Variants in GSTO1 observed in about 807,000 individuals in gnomAD.
The protein encoded by GSTO1 is glutathione S-transferase omega-1.
GSTO1 carries 27 observed loss-of-function variants against 23.8 expected under a neutral mutation model. That is an observed-to-expected ratio of 1.13 (90% CI 0.83 to 1.56). The LOEUF is 1.56. Among genes scored for constraint, GSTO1 ranks in the 40% most tolerant of loss-of-function variants. The probability of loss-of-function intolerance (pLI) is 0.00; values close to 1 mark genes in which losing one functional copy is unlikely to be tolerated. For synonymous variants in GSTO1, 105 were observed against 109.3 expected, an observed-to-expected ratio of 0.96 and a Z score of 0.25; for missense variants, 255 against 285.8, an observed-to-expected ratio of 0.89 and a Z score of 0.78.
At chr10:104,260,610 A>C (rs554865239) in intron 3 of GSTO1, among the ~76,000 whole-genome samples, 1 of 152,358 alleles carries the variant, frequency 6.6e-6, no homozygotes, top group African/African-American at 2.4e-5. Flanking sequence ...GATTAGTTCA[A>C]ACAATTAGTA....
At chr10:104,267,226 C>A in intron 5 of GSTO1, 26 bp from the exon 6 acceptor site, 1 of 1,574,796 alleles carries the variant, frequency 6.4e-7, no homozygotes, top group Non-Finnish European at 8.7e-7. Flanking sequence ...CTAGCTCACA[C>A]CTTTCATTTT....
chr10:104,265,133 A>T (rs1369830902), intron 4 of GSTO1, among the ~76,000 whole-genome samples: 1 of 152,200 alleles, frequency 6.6e-6, no homozygotes, highest in African/African-American at 2.4e-5. Flanking sequence ...AATATTTTTA[A>T]TTTTTAATGC....
At chr10:104,260,370 C>G (rs1048803124) in intron 3 of GSTO1, among the ~76,000 whole-genome samples, 19 of 151,644 alleles carry the variant, frequency 1.3e-4, no homozygotes, top group Non-Finnish European at 2.6e-4. Flanking sequence ...CCTCTCCGTT[C>G]ATCATTGGTA....
At chr10:104,265,767 G>T (rs530245232) in intron 4 of GSTO1, among the ~76,000 whole-genome samples, 4 of 152,116 alleles carry the variant, frequency 2.6e-5, no homozygotes, top group Non-Finnish European at 4.4e-5. Context: ...CCAATGGGTC[G>T]TTTGCTATTT....
At chr10:104,263,485 T>C (rs1267326242) in intron 4 of GSTO1, among the ~76,000 whole-genome samples, 1 of 152,192 alleles carries the variant, frequency 6.6e-6, no homozygotes, top group Non-Finnish European at 1.5e-5. Context: ...TTTTCCTGTG[T>C]CCACTTAGTA....
chr10:104,257,270 G>T (rs1175756571), intron 2 of GSTO1, among the ~76,000 whole-genome samples: 2 of 151,268 alleles, frequency 1.3e-5, no homozygotes, highest in Non-Finnish European at 2.9e-5. Context: ...TACTTTGTAT[G>T]ATTTACTCAG....
intron 4 of GSTO1, 66 bp from the exon 5 acceptor site, chr10:104,266,018 C>A: frequency 1.2e-6 from 1 of 836,652 alleles, no homozygotes. Context: ...TATTTCCCTT[C>A]AGCATTTCTA....
rs7906892 is a variant in GSTO1, at chr10:104,266,232, G to T, written c.572+42G>T. 18,917 of 1,046,880 alleles carry T rather than the reference G, an allele frequency of 0.018. 2,183 individuals carry two copies. In the African/African-American group the frequency reaches 0.25, roughly 14 times the overall value. The allele number at this position is 1,046,880 out of a possible 1,614,324, so 64.8% of individuals were successfully genotyped here. On this transcript the variant is annotated intron_variant, in intron 5 of 5. Coordinates refer to ENST00000369713, the MANE Select transcript of GSTO1 (RefSeq NM_004832.3). ...TTTTGTGCATAATTTAGGATGACAGGTGGAATAGTATATATTGACCTTTCT... is the reference window on the plus strand; with the variant it reads ...TTTTGTGCATAATTTAGGATGACAGTTGGAATAGTATATATTGACCTTTCT...
chr10:104,262,953 A>G lies in GSTO1; in HGVS notation c.367-26A>G, dbSNP rs1057055685. 9 of 1,013,722 alleles carry G rather than the reference A, an allele frequency of 8.9e-6. No homozygotes were observed. The African/African-American group carries it at 1.4e-4, about 16-fold the overall frequency. The allele number at this position is 1,013,722 out of a possible 1,614,324, so 62.8% of individuals were successfully genotyped here. A position where few individuals can be genotyped will look rare whatever the true frequency, so the allele number is the denominator to read the frequency against. ...CCGATACAGTTAGCCATAAACTGAT[A>G]AACTAAGAAATTATTCTCTGTCTAG... On this transcript the variant is annotated intron_variant, in intron 3 of 5. Coordinates refer to ENST00000369713, the MANE Select transcript of GSTO1 (RefSeq NM_004832.3).
rs754084819 is a variant in GSTO1, at chr10:104,263,117, C to T, written c.465+40C>T. The T allele has an allele frequency of 8.8e-6, 7 of 794,262 alleles. No homozygotes were observed. In the South Asian group the frequency reaches 1.0e-4, roughly 12 times the overall value. The allele number at this position is 794,262 out of a possible 1,614,324, so 49.2% of individuals were successfully genotyped here. On this transcript the variant is annotated intron_variant, in intron 4 of 5. Transcript: ENST00000369713. ...TAGCTATCATCAGAGTAAACGATAA[C>T]TATATCTACCCTCCTTTTCCTCCTA...
At position 104,255,234 on chromosome 10, in the gene GSTO1, G is replaced by C; in HGVS notation, c.106G>C (p.Glu36Gln). ...CAGCATGAGGTTCTGCCCGTTTGCT[G>C]AGAGGACGCGTCTAGTCCTGAAGGC... ...IYSMRFCPFA[E>Q]RTRLVLKAKG... is the part of the protein sequence containing the mutation. The change falls in exon 2 of 6, where the codon GAG (glutamate) becomes CAG (glutamine). Residue 36 changes from glutamate (E) to glutamine (Q), a missense_variant. Glu to Gln is a conservative substitution (Grantham distance 29, BLOSUM62 2). Transcript: ENST00000369713. The C allele has an allele frequency of 6.2e-7, 1 of 1,613,646 alleles. No homozygotes were observed. Among genetic ancestry groups the C allele is most frequent in the Non-Finnish European group, 8.5e-7 (1 of 1,179,592 alleles).
chr10:104,265,869 C>T (rs748411016), intron 4 of GSTO1, among the ~76,000 whole-genome samples: 2 of 151,992 alleles, frequency 1.3e-5, no homozygotes, highest in Non-Finnish European at 2.9e-5. Context: ...TTTTATTTTT[C>T]AATTTTCCAG....
At chr10:104,263,956 G>A (rs1024051609) in intron 4 of GSTO1, among the ~76,000 whole-genome samples, 1 of 131,778 alleles carries the variant, frequency 7.6e-6, no homozygotes, top group African/African-American at 4.4e-5. Flanking sequence ...GCATTCCTAA[G>A]ATAAAACCTA....
chr10:104,254,964 T>C lies in GSTO1; in HGVS notation c.34+2T>C, dbSNP rs1485815635. 3.7e-6 allele frequency: 6 copies of C among 1,607,726 alleles called. No homozygotes were observed. The Admixed American group carries it at 1.0e-4, about 27-fold the overall frequency. On this transcript the variant is annotated splice_donor_variant, in intron 1 of 5. Coordinates refer to ENST00000369713, the MANE Select transcript of GSTO1 (RefSeq NM_004832.3). LOFTEE classifies it high-confidence loss of function. ...AGTCAGCCAGGAGCTTGGGGAAGGG[T>C]GAGGCCTGCCCGCCGCGAAGAGGGG... is the stretch of plus-strand genomic sequence containing the variant.
At chr10:104,259,494 G>A in intron 2 of GSTO1, 82 bp from the exon 3 acceptor site, 1 of 836,532 alleles carries the variant, frequency 1.2e-6, no homozygotes. Context: ...GATCAGCTAA[G>A]TGGATGGCAA....
intron 3 of GSTO1, among the ~76,000 whole-genome samples, chr10:104,262,136 G>T (rs2011143567): frequency 6.6e-6 from 1 of 152,184 alleles, no homozygotes; most frequent in Non-Finnish European, 1.5e-5. Context: ...TGGTTTTCCT[G>T]GTGAGAGCAG....
chr10:104,260,836 T>G (rs1375673912), intron 3 of GSTO1, among the ~76,000 whole-genome samples: 1 of 151,902 alleles, frequency 6.6e-6, no homozygotes, highest in Non-Finnish European at 1.5e-5. Flanking sequence ...ACAGGAAGAG[T>G]GAGTCATCTG....
rs1179780007 is a variant in GSTO1, at chr10:104,255,194, C to T, written c.66C>T (p.Gly22=). The part of the protein sequence containing the change: ...GSAPPGPVPE[G]SIRIYSMRFC... The stretch of plus-strand genomic sequence containing the variant: ...CGCCCCCGGGGCCGGTCCCGGAGGG[C>T]TCGATCCGCATCTACAGCATGAGGT... The change falls in exon 2 of 6, where the codon GGC becomes GGT. Residue 22 remains glycine (G), a synonymous_variant. Transcript: ENST00000369713. The T allele has an allele frequency of 6.2e-7, 1 of 1,613,804 alleles. No individual in the cohort carries two copies. The highest frequency in any genetic ancestry group is 1.3e-5 in the African/African-American group (1 of 75,032).
chr10:104,257,938 A>G (rs1428225414), intron 2 of GSTO1, among the ~76,000 whole-genome samples: 4 of 152,224 alleles, frequency 2.6e-5, no homozygotes, highest in South Asian at 2.1e-4. Flanking sequence ...CAGAGCATTT[A>G]TATCTATATA....
Sources: gnomAD v4.1 joint callset for allele counts (sites outside exome capture counted in the v4.1 genomes callset) on GRCh38, gnomAD v4.1.1 for gene constraint, MANE v1.5 for transcripts, NCBI Gene and HGNC (gene_info 2026-07-23, HGNC 2026-07-21) for gene names.